CDCP1: variants seen among roughly 807,000 people sequenced by gnomAD.
The protein encoded by CDCP1 is CUB domain-containing protein 1.
A neutral mutation model predicts 60.2 loss-of-function variants in CDCP1; 29 were observed. The observed-to-expected ratio is 0.48, with a 90% confidence interval of 0.36 to 0.66. CDCP1 has a LOEUF of 0.66. CDCP1 is among the 30% of genes least tolerant of loss of function. CDCP1 has a pLI of 0.00. For synonymous variants in CDCP1, 387 were observed against 431.1 expected, an observed-to-expected ratio of 0.90 and a Z score of 1.27; for missense variants, 876 against 1,074.3, an observed-to-expected ratio of 0.82 and a Z score of 2.58.
rs1576113038 is a variant in CDCP1, at chr3:45,126,168, T to TTCTTTCTC, written c.83-7548_83-7547insGAGAAAGA. Among the ~76,000 whole-genome samples, 4 of 141,640 alleles carry TTCTTTCTC rather than the reference T, an allele frequency of 2.8e-5. No individual in the cohort carries two copies. The East Asian group carries it at 8.2e-4, about 29-fold the overall frequency. 92.9% of individuals were successfully genotyped at this position (141,640 alleles called of 152,430 possible). On this transcript the variant is annotated intron_variant, in intron 1 of 8. Transcript: ENST00000296129. ...TTTCTTTCTTTCTTTCTTTCTTTCTTTCTTTCCTTCTTTCTCTCTCTCTCT... is the reference window on the plus strand; with the variant it reads ...TTTCTTTCTTTCTTTCTTTCTTTCTTTCTTTCTCTCTTTCCTTCTTTCTCTCTCTCTCT...
chr3:45,085,409 G>T lies in CDCP1; in HGVS notation c.*229C>A. 1 of 533,210 alleles carries T rather than the reference G, an allele frequency of 1.9e-6. No homozygotes were observed. The highest frequency in any genetic ancestry group is 3.3e-5 in the East Asian group (1 of 30,578). 33.0% of individuals were successfully genotyped at this position (533,210 alleles called of 1,614,324 possible). On this transcript the variant is annotated 3_prime_UTR_variant, in exon 9 of 9. Coordinates refer to ENST00000296129, the MANE Select transcript of CDCP1 (RefSeq NM_022842.5). The surrounding 1 kb of genome is among the most constrained non-coding windows in gnomAD (Gnocchi z 4.2). ...GCTGGCTAACCGCACAGCCTAAGTT[G>T]AGGAGCACATGAGCTGTCATGACTG...
Position 45,091,615 on chromosome 3 carries a change from C to T in CDCP1, c.1628-77G>A, listed in dbSNP as rs1328517817. ...AGAGGAAAGGGAGTGGTGGAGGAGA[C>T]GAAGTCCAACTGTCCAGACCAGCGC... is the stretch of plus-strand genomic sequence containing the variant. On this transcript the variant is annotated intron_variant, in intron 6 of 8. Coordinates refer to ENST00000296129, the MANE Select transcript of CDCP1 (RefSeq NM_022842.5). This position sits in a 1 kb window ranked among gnomAD's most constrained non-coding sequence, Gnocchi z 4.8. The T allele has an allele frequency of 1.2e-5, 17 of 1,472,960 alleles. No homozygotes were observed. The East Asian group carries it at 1.2e-4, about 10-fold the overall frequency. The allele number at this position is 1,472,960 out of a possible 1,614,324, so 91.2% of individuals were successfully genotyped here.
At chr3:45,144,156 C>T (rs12106813) in intron 1 of CDCP1, among the ~76,000 whole-genome samples, 29,769 of 152,100 alleles carry the variant, frequency 0.2, 3,094 homozygotes, top group Middle Eastern at 0.28. Context: ...CACAAACACA[C>T]GACACCAAGA....
intron 4 of CDCP1, among the ~76,000 whole-genome samples, chr3:45,106,526 T>A (rs1295825909): frequency 6.6e-6 from 1 of 152,096 alleles, no homozygotes; most frequent in Non-Finnish European, 1.5e-5. Context: ...ACTCCTGAGA[T>A]TGGTGCAACA....
chr3:45,136,638 A>G (rs191036126), intron 1 of CDCP1, among the ~76,000 whole-genome samples: 15 of 152,174 alleles, frequency 9.9e-5, no homozygotes, highest in African/African-American at 3.6e-4. Context: ...TTGGTCATCA[A>G]CTCCTCAGTT....
chr3:45,105,254 G>T (rs1698543057), intron 4 of CDCP1, among the ~76,000 whole-genome samples: 1 of 151,988 alleles, frequency 6.6e-6, no homozygotes, highest in African/African-American at 2.4e-5. Flanking sequence ...TTTTGGAAAT[G>T]GACTCAATGG....
chr3:45,102,814 C>T (rs1360286022), intron 4 of CDCP1, among the ~76,000 whole-genome samples: 3 of 152,112 alleles, frequency 2.0e-5, no homozygotes, highest in African/African-American at 4.8e-5. Flanking sequence ...CCTAGTAGCA[C>T]ATGCCACCAC....
intron 4 of CDCP1, among the ~76,000 whole-genome samples, chr3:45,103,350 T>C (rs553791057): frequency 6.6e-6 from 1 of 152,110 alleles, no homozygotes; most frequent in Non-Finnish European, 1.5e-5. Context: ...TAGTACTCCA[T>C]GAGCGAGCAT....
intron 7 of CDCP1, among the ~76,000 whole-genome samples, chr3:45,090,264 C>T (rs975747228): frequency 5.3e-5 from 8 of 152,154 alleles, no homozygotes; most frequent in South Asian, 4.1e-4. Flanking sequence ...CTGTGATGCT[C>T]GGTGCCTTCA....
Position 45,093,453 on chromosome 3 carries a change from A to G in CDCP1, c.1451T>C (p.Val484Ala). The stretch of plus-strand genomic sequence containing the variant: ...GTCCTGGCTGGGTATGGCACTGGCC[A>G]CGAGGTAGCTGAAGCTGGTGTTGCA... ...KPCNTSFSYLVASAIPSQDLY... is the reference protein window; with the variant it reads ...KPCNTSFSYLAASAIPSQDLY... Residue 484 changes from valine (V) to alanine (A), a missense_variant, in exon 6 of 9, where the codon GTG becomes GCG. Physicochemically the swap from Val to Ala is moderately conservative, Grantham distance 64. Coordinates refer to ENST00000296129, the MANE Select transcript of CDCP1 (RefSeq NM_022842.5). 6.2e-7 allele frequency: 1 copy of G among 1,614,080 alleles called. No homozygotes were observed. The highest frequency in any genetic ancestry group is 8.5e-7 in the Non-Finnish European group (1 of 1,179,952).
At chr3:45,138,441 C>A (rs1699226410) in intron 1 of CDCP1, among the ~76,000 whole-genome samples, 2 of 152,206 alleles carry the variant, frequency 1.3e-5, no homozygotes, top group Non-Finnish European at 2.9e-5. Context: ...AGGTTGTCTG[C>A]CTATTGAATA....
rs117846249 is a variant in CDCP1 at position 45,121,848 on chromosome 3, A to C, written c.83-3227T>G. ...TTATGTAAGCTATACCTTAATAAAA[A>C]GAAAAAGTGTTCAAAAGATCATGTT... On this transcript the variant is annotated intron_variant, in intron 1 of 8. Coordinates refer to ENST00000296129, the MANE Select transcript of CDCP1 (RefSeq NM_022842.5). Among the ~76,000 whole-genome samples the C allele has an allele frequency of 6.6e-5, 10 of 152,372 alleles. No homozygotes were observed. The East Asian group carries it at 1.7e-3, about 26-fold the overall frequency.
At chr3:45,093,739 G>T in intron 5 of CDCP1, 82 bp from the exon 6 acceptor site, 1 of 1,490,520 alleles carries the variant, frequency 6.7e-7, no homozygotes. Context: ...GCCTGAGGTT[G>T]GGTGTCTGCA....
Position 45,082,446 on chromosome 3 carries a change from A to G in CDCP1, c.*3192T>C, listed in dbSNP as rs935189666. 1.3e-5 allele frequency: 2 copies of G among 152,220 alleles called. No individual in the cohort carries two copies. Among genetic ancestry groups the G allele is most frequent in the African/African-American group, 4.8e-5 (2 of 41,456 alleles). The allele number at this position is 152,220 out of a possible 1,614,324, so 9.4% of individuals were successfully genotyped here. On this transcript the variant is annotated 3_prime_UTR_variant, in exon 9 of 9. Transcript: ENST00000296129. ...GCCCATGCTGAGCCTGTCACAGTCA[A>G]CAACTGGGAAACCGGGGCCTCTACT...
intron 1 of CDCP1, among the ~76,000 whole-genome samples, chr3:45,137,199 C>A (rs1699204022): frequency 2.6e-5 from 4 of 152,162 alleles, no homozygotes; most frequent in Admixed American, 1.3e-4. Context: ...TATTTATATA[C>A]CATCCCTATT....
intron 1 of CDCP1, 97 bp downstream of exon 1, chr3:45,146,109 T>TCCGCACCCTCCGCACCCG (rs1559405244): frequency 4.2e-5 from 49 of 1,173,204 alleles, no homozygotes; most frequent in Non-Finnish European, 5.4e-5. Flanking sequence ...CTCCGCACCC[T>TCCGCACCCTCCGCACCCG]CCGCACCCTG....
intron 1 of CDCP1, among the ~76,000 whole-genome samples, chr3:45,125,968 G>A (rs547271255): frequency 2.0e-4 from 31 of 152,236 alleles, no homozygotes; most frequent in African/African-American, 6.5e-4. Flanking sequence ...GAGGCAGCTG[G>A]GACATTCTGG....
chr3:45,094,051 G>A (rs1049525886), intron 5 of CDCP1, among the ~76,000 whole-genome samples: 1 of 152,104 alleles, frequency 6.6e-6, no homozygotes, highest in African/African-American at 2.4e-5. Flanking sequence ...AGCTGTGAGT[G>A]GCGTTGGGGA....
At chr3:45,097,604 G>C (rs1698423267) in intron 4 of CDCP1, among the ~76,000 whole-genome samples, 1 of 151,680 alleles carries the variant, frequency 6.6e-6, no homozygotes, top group African/African-American at 2.4e-5. Flanking sequence ...TCACCCATCA[G>C]CGCCGGCGAA....
Sources: allele counts gnomAD v4.1 joint callset (sites outside exome capture counted in the v4.1 genomes callset), GRCh38; gene constraint gnomAD v4.1.1; non-coding constraint Gnocchi (gnomAD v3.1); transcripts MANE v1.5; gene names NCBI Gene and HGNC (gene_info 2026-07-23, HGNC 2026-07-21).